The following PRKX variants were observed in gnomAD, a reference collection of about 807,000 sequenced individuals.
PRKX encodes the protein cAMP-dependent protein kinase catalytic subunit PRKX.
Under a neutral mutation model 22.0 loss-of-function variants are expected in PRKX, and 12 were observed. The observed-to-expected ratio is 0.54, with a 90% CI of 0.35 to 0.88. PRKX has a LOEUF of 0.88. PRKX is among the 40% of genes least tolerant of loss of function. PRKX has a pLI of 0.01. For missense variants in PRKX, 217 were observed against 308.0 expected, an observed-to-expected ratio of 0.70 and a Z score of 2.21; for synonymous variants, 134 against 137.7, an observed-to-expected ratio of 0.97 and a Z score of 0.19.
Position 3,606,065 on chromosome X carries a change from C to T in PRKX, c.*2904G>A, listed in dbSNP as rs912532448. On this transcript the variant is annotated 3_prime_UTR_variant, in exon 9 of 9. Transcript: ENST00000262848. ...TCCCTTCAGAAAAACAAGACTTGCC[C>T]CAATACACTTCTTCTTGTAACATAT... is the stretch of plus-strand genomic sequence containing the variant. The T allele has an allele frequency of 8.9e-6, 1 of 112,279 alleles. No individual in the cohort carries two copies. The allele number at this position is 112,279 out of a possible 1,213,427, so 9.3% of individuals were successfully genotyped here.
chrX:3,656,841 A>G (rs1480369750), intron 2 of PRKX, among the ~76,000 whole-genome samples: 1 of 111,995 alleles, frequency 8.9e-6, no homozygotes, highest in Middle Eastern at 4.6e-3. Context: ...AGAAAAATGT[A>G]TTACCCTCAG....
intron 1 of PRKX, among the ~76,000 whole-genome samples, chrX:3,688,345 C>T (rs1207020879): frequency 9.7e-6 from 1 of 102,840 alleles, no homozygotes; most frequent in Non-Finnish European, 2.0e-5. Context: ...ACTCAGGAGG[C>T]TGAGGCAGGA....
At chrX:3,692,672 C>T (rs1039509492) in intron 1 of PRKX, among the ~76,000 whole-genome samples, 2 of 110,060 alleles carry the variant, frequency 1.8e-5, no homozygotes, top group South Asian at 4.0e-4. Context: ...GGACTACAGG[C>T]ACCCACCACC....
intron 2 of PRKX, among the ~76,000 whole-genome samples, chrX:3,663,453 C>T (rs1422216708): frequency 1.3e-5 from 1 of 79,232 alleles, no homozygotes; most frequent in Admixed American, 1.8e-4. Context: ...CACACACACA[C>T]ACACACACAC....
chrX:3,639,979 CA>C (rs889013590), intron 4 of PRKX, among the ~76,000 whole-genome samples: 5 of 111,436 alleles, frequency 4.5e-5, no homozygotes, highest in African/African-American at 1.6e-4. Flanking sequence ...CTGGCTTAGA[CA>C]CGCCTTCCAG....
intron 4 of PRKX, among the ~76,000 whole-genome samples, chrX:3,628,557 T>C (rs765716883): frequency 9.0e-6 from 1 of 111,042 alleles, no homozygotes. Context: ...CTGGGAAATA[T>C]GGCAAAACCC....
intron 1 of PRKX, among the ~76,000 whole-genome samples, chrX:3,686,660 C>T (rs1422374919): frequency 9.1e-6 from 1 of 109,936 alleles, no homozygotes; most frequent in Non-Finnish European, 1.9e-5. Flanking sequence ...TGGGTTCAAG[C>T]GATTTTTCTG....
At position 3,622,080 on chromosome X, in the gene PRKX, G is replaced by A. The variant is rs138266662; in HGVS notation, c.816-764C>T. On this transcript the variant is annotated intron_variant, in intron 5 of 8. Coordinates refer to ENST00000262848, the MANE Select transcript of PRKX (RefSeq NM_005044.5). Reference sequence around the variant, plus strand: ...AACCGCTTGAACCCAGGAGGCGAAGGTTGCAGTGAGCTGAGACTGAGCCAC... The same window carrying A: ...AACCGCTTGAACCCAGGAGGCGAAGATTGCAGTGAGCTGAGACTGAGCCAC... 2.2e-3 allele frequency among the ~76,000 whole-genome samples: 247 copies of A among 110,960 alleles called. 1 individual carries two copies. The highest frequency in any genetic ancestry group is 7.9e-3 in the African/African-American group (240 of 30,542).
intron 2 of PRKX, among the ~76,000 whole-genome samples, chrX:3,658,204 C>T (rs1927520645): frequency 9.0e-6 from 1 of 110,705 alleles, no homozygotes; most frequent in East Asian, 2.8e-4. Flanking sequence ...TTGGCCAGGC[C>T]GGTCTCGAAC....
At chrX:3,627,488 A>ATTTTTTGTT in intron 4 of PRKX, among the ~76,000 whole-genome samples, 1 of 104,524 alleles carries the variant, frequency 9.6e-6, no homozygotes. Context: ...TTGAGACAGG[A>ATTTTTTGTT]TCTCGCTCTG....
Position 3,660,338 on chromosome X carries a change from A to T in PRKX, c.336-4926T>A, listed in dbSNP as rs148268065. ...GTGATACTGAACATTTGGGGGTAAC[A>T]CTGAGCTCTTGAAAATACCATTAAT... On this transcript the variant is annotated intron_variant, in intron 2 of 8. Transcript: ENST00000262848. Among the ~76,000 whole-genome samples the T allele has an allele frequency of 2.6e-3, 290 of 112,157 alleles. 3 individuals carry two copies. In the Middle Eastern group the frequency reaches 0.027, roughly 11 times the overall value.
chrX:3,646,712 G>T (rs1402670365), intron 3 of PRKX, among the ~76,000 whole-genome samples: 2 of 110,254 alleles, frequency 1.8e-5, no homozygotes, highest in African/African-American at 6.6e-5. Flanking sequence ...TTTTTTTATG[G>T]GGACACAATC....
At chrX:3,623,073 A>G (rs767684745) in intron 5 of PRKX, among the ~76,000 whole-genome samples, 1 of 98,185 alleles carries the variant, frequency 1.0e-5, no homozygotes, top group South Asian at 5.1e-4. Flanking sequence ...TGGGGCAGGC[A>G]GTGGTGTAAA....
chrX:3,688,128 G>A (rs1246295260), intron 1 of PRKX, among the ~76,000 whole-genome samples: 2 of 109,656 alleles, frequency 1.8e-5, no homozygotes, highest in Non-Finnish European at 3.8e-5. Context: ...GCAAGACTCT[G>A]TCTCAAAAAA....
At chrX:3,690,970 A>G (rs1928312142) in intron 1 of PRKX, among the ~76,000 whole-genome samples, 2 of 111,763 alleles carry the variant, frequency 1.8e-5, no homozygotes, top group Admixed American at 1.9e-4. Context: ...CAGGTTAAAG[A>G]TACATCCTAG....
intron 1 of PRKX, among the ~76,000 whole-genome samples, chrX:3,686,903 C>G (rs1928190556): frequency 8.9e-6 from 1 of 112,149 alleles, no homozygotes; most frequent in African/African-American, 3.2e-5. Flanking sequence ...TAAAATTTAC[C>G]ATCTTAATTA....
intron 1 of PRKX, among the ~76,000 whole-genome samples, chrX:3,704,121 C>T (rs1187655028): frequency 8.9e-6 from 1 of 111,968 alleles, no homozygotes; most frequent in Non-Finnish European, 1.9e-5. Flanking sequence ...GAAAACATGC[C>T]CACCCAAGAA....
chrX:3,693,079 C>T (rs573406236), intron 1 of PRKX, among the ~76,000 whole-genome samples: 1 of 110,789 alleles, frequency 9.0e-6, no homozygotes, highest in South Asian at 4.1e-4. Context: ...CTCCGAGAAA[C>T]TGCAATGAAC....
At chrX:3,686,111 C>T (rs772705289) in intron 1 of PRKX, among the ~76,000 whole-genome samples, 9 of 111,478 alleles carry the variant, frequency 8.1e-5, no homozygotes, top group Non-Finnish European at 1.7e-4. Flanking sequence ...TCTTATTCTG[C>T]GTGGCACTGA....
Sources: gnomAD v4.1 joint callset for allele counts (sites outside exome capture counted in the v4.1 genomes callset) on GRCh38, gnomAD v4.1.1 for gene constraint, MANE v1.5 for transcripts, NCBI Gene and HGNC (gene_info 2026-07-23, HGNC 2026-07-21) for gene names.